The following NPIPB2 variants were observed in gnomAD, a reference collection of about 807,000 sequenced individuals.
The protein encoded by NPIPB2 is nuclear pore complex-interacting protein family member B2.
Under a neutral mutation model 30.8 loss-of-function variants are expected in NPIPB2, and 27 were observed. That is an observed-to-expected ratio of 0.88 (90% CI 0.65 to 1.21). The LOEUF is 1.21. NPIPB2 is among the 50% of genes most tolerant of loss of function. The pLI is 0.00. For missense variants in NPIPB2, 440 were observed against 446.2 expected (o/e 0.99, Z 0.13); for synonymous variants, 147 against 162.0 (o/e 0.91, Z 0.70).
chr16:11,976,595 G>A (rs1024887186), exon 1 of NPIPB2: 26 of 364,486 alleles, frequency 7.1e-5, no homozygotes, highest in Non-Finnish European at 1.1e-4. Context: ...CGTAGCCTCA[G>A]CACCGCTCTC....
At chr16:11,957,037 G>A (rs2055117893) in intron 1 of NPIPB2, among the ~76,000 whole-genome samples, 2 of 152,074 alleles carry the variant, frequency 1.3e-5, no homozygotes, top group African/African-American at 2.4e-5. Flanking sequence ...TGTCACCGAG[G>A]CTGGAGTGCA....
At chr16:11,939,088 T>C (rs2054904564) in intron 1 of NPIPB2, among the ~76,000 whole-genome samples, 1 of 152,132 alleles carries the variant, frequency 6.6e-6, no homozygotes, top group East Asian at 1.9e-4. Flanking sequence ...GTTTTTTAAA[T>C]TGATGTATAA....
At chr16:11,958,410 A>C (rs1166935494) in intron 1 of NPIPB2, among the ~76,000 whole-genome samples, 1 of 150,140 alleles carries the variant, frequency 6.7e-6, no homozygotes, top group Admixed American at 6.7e-5. Context: ...CCTGGATGAC[A>C]GAGCGAGACT....
At chr16:11,931,825 G>A (rs1056480250) in intron 4 of NPIPB2, among the ~76,000 whole-genome samples, 1 of 152,042 alleles carries the variant, frequency 6.6e-6, no homozygotes, top group African/African-American at 2.4e-5. Context: ...TAACATGGCA[G>A]TAAACAGACA....
intron 1 of NPIPB2, chr16:11,965,494 C>G: frequency 6.2e-7 from 1 of 1,603,146 alleles, no homozygotes; most frequent in Non-Finnish European, 8.5e-7. Context: ...TTGGTGTGAA[C>G]TATTCTGTCT....
At chr16:11,944,294 G>A (rs115129632), upstream of NPIPB2, among the ~76,000 whole-genome samples, 2,746 of 151,260 alleles carry the variant, frequency 0.018, 77 homozygotes, top group African/African-American at 0.063. Context: ...TAAGTCCCAA[G>A]TAGCTGGGAC....
intron 2 of NPIPB2, among the ~76,000 whole-genome samples, chr16:11,934,769 G>A (rs866904758): frequency 1.1e-4 from 15 of 140,040 alleles, no homozygotes; most frequent in Middle Eastern, 7.6e-3. Context: ...TGAGGCAGGA[G>A]AACTGCTTGA....
intron 4 of NPIPB2, among the ~76,000 whole-genome samples, chr16:11,931,598 A>G (rs1275229319): frequency 2.0e-5 from 3 of 151,850 alleles, no homozygotes; most frequent in African/African-American, 7.3e-5. Context: ...ACGCTAAAGA[A>G]GCTCACAGCT....
At chr16:11,933,600 T>C (rs748732603) in exon 4 of NPIPB2, 179 of 1,510,798 alleles carry the variant, frequency 1.2e-4, no homozygotes, top group Non-Finnish European at 1.5e-4. Flanking sequence ...GGATTTTAGC[T>C]CTACCTTTTG....
chr16:11,952,138 G>C (rs1253899540), intron 1 of NPIPB2, among the ~76,000 whole-genome samples: 1 of 140,198 alleles, frequency 7.1e-6, no homozygotes, highest in Non-Finnish European at 1.5e-5. Context: ...GGGCGACAGA[G>C]TGAGACTCTG....
At chr16:11,952,909 A>G (rs778616333) in intron 1 of NPIPB2, among the ~76,000 whole-genome samples, 18 of 151,846 alleles carry the variant, frequency 1.2e-4, no homozygotes, top group Non-Finnish European at 2.2e-4. Context: ...ATCTACTTCA[A>G]TGTTTACATG....
intron 1 of NPIPB2, among the ~76,000 whole-genome samples, chr16:11,953,454 G>A (rs541809979): frequency 2.0e-5 from 3 of 151,962 alleles, no homozygotes; most frequent in Admixed American, 1.3e-4. Flanking sequence ...AGGTTCAAGC[G>A]ATTCTCCTGC....
chr16:11,971,487 G>A (rs8046211), intron 1 of NPIPB2, among the ~76,000 whole-genome samples: 16,675 of 150,074 alleles, frequency 0.11, 1,412 homozygotes, highest in African/African-American at 0.2. Context: ...GGTAGATTCA[G>A]AGATTTTCTT....
At chr16:11,960,499 G>A (rs1269842338) in intron 1 of NPIPB2, among the ~76,000 whole-genome samples, 2 of 151,618 alleles carry the variant, frequency 1.3e-5, no homozygotes, top group Non-Finnish European at 2.9e-5. Context: ...TAGGATTACA[G>A]GTGTGCGCCA....
chr16:11,968,014 G>T, intron 1 of NPIPB2: 2 of 738,720 alleles, frequency 2.7e-6, no homozygotes, highest in East Asian at 2.9e-5. Context: ...TTACTGTTGG[G>T]AGCTTAATGG....
chr16:11,962,090 C>T (rs2055156514), intron 1 of NPIPB2, among the ~76,000 whole-genome samples: 2 of 147,776 alleles, frequency 1.4e-5, no homozygotes, highest in South Asian at 4.3e-4. Context: ...CCTAGCTACT[C>T]AGGAGGCTGA....
At chr16:11,954,142 T>C (rs2055090874) in intron 1 of NPIPB2, among the ~76,000 whole-genome samples, 1 of 152,164 alleles carries the variant, frequency 6.6e-6, no homozygotes, top group Non-Finnish European at 1.5e-5. Flanking sequence ...GTAATCTGCT[T>C]TGTATCTCTT....
intron 1 of NPIPB2, among the ~76,000 whole-genome samples, chr16:11,972,086 C>T (rs1232266754): frequency 6.6e-6 from 1 of 151,948 alleles, no homozygotes; most frequent in Non-Finnish European, 1.5e-5. Flanking sequence ...ACAGAGGTTG[C>T]AGTGAGCTGA....
At chr16:11,971,175 C>T (rs1170640223) in intron 1 of NPIPB2, among the ~76,000 whole-genome samples, 1 of 152,008 alleles carries the variant, frequency 6.6e-6, no homozygotes. Flanking sequence ...GCATTTTCAT[C>T]TGCTACATTG....
Sources: allele counts gnomAD v4.1 joint callset (sites outside exome capture counted in the v4.1 genomes callset), GRCh38; gene constraint gnomAD v4.1.1; transcripts MANE v1.5; gene names NCBI Gene and HGNC (gene_info 2026-07-23, HGNC 2026-07-21).